Variants in PDE11A observed in about 807,000 individuals in gnomAD.
The protein encoded by PDE11A is phosphodiesterase 11A.
PDE11A carries 100 observed loss-of-function variants against 100.5 expected under a neutral mutation model. That is an observed-to-expected ratio of 1.00 (90% CI 0.85 to 1.18). The LOEUF (loss-of-function observed/expected upper bound fraction) is 1.18, where lower values mean the gene tolerates loss of function less well. Ranked by LOEUF, PDE11A falls within the 50% of genes most tolerant of loss-of-function variation. PDE11A has a pLI of 0.00. For synonymous variants in PDE11A, 381 were observed against 420.8 expected (o/e 0.91, Z 1.16); for missense variants, 1,141 against 1,152.6 (o/e 0.99, Z 0.15).
intron 5 of PDE11A, among the ~76,000 whole-genome samples, chr2:177,845,594 C>A (rs1365153438): frequency 6.6e-6 from 1 of 152,126 alleles, no homozygotes; most frequent in Non-Finnish European, 1.5e-5. Flanking sequence ...CGATGGGTGG[C>A]TGGGCAGAGA....
At chr2:178,107,721 C>CTTTTT (rs1159976078) in intron 1 of PDE11A, among the ~76,000 whole-genome samples, 1 of 123,050 alleles carries the variant, frequency 8.1e-6, no homozygotes, top group Non-Finnish European at 1.7e-5. Flanking sequence ...CTTTTTTTTT[C>CTTTTT]TTTTTTTTTT....
At chr2:177,852,549 T>C (rs1354294944) in intron 5 of PDE11A, among the ~76,000 whole-genome samples, 2 of 152,118 alleles carry the variant, frequency 1.3e-5, no homozygotes, top group Non-Finnish European at 2.9e-5. Context: ...AGCTGTGCAA[T>C]GCTTTTTGAA....
intron 2 of PDE11A, among the ~76,000 whole-genome samples, chr2:177,939,651 A>G (rs2105771567): frequency 6.6e-6 from 1 of 152,342 alleles, no homozygotes; most frequent in East Asian, 1.9e-4. Context: ...AGTTACAGAG[A>G]AAAATGTTAG....
At chr2:177,924,975 C>T (rs1039626369) in intron 2 of PDE11A, among the ~76,000 whole-genome samples, 4 of 147,164 alleles carry the variant, frequency 2.7e-5, no homozygotes, top group African/African-American at 5.0e-5. Flanking sequence ...TGAGAATATG[C>T]GGTGTTTGGT....
chr2:178,075,318 T>C (rs1197276574), upstream of PDE11A, among the ~76,000 whole-genome samples: 2 of 152,010 alleles, frequency 1.3e-5, no homozygotes. Context: ...TTTGGGAGGA[T>C]GAGGCAGGCA....
chr2:177,990,825 G>C (rs971431858), intron 2 of PDE11A, among the ~76,000 whole-genome samples: 2 of 149,990 alleles, frequency 1.3e-5, no homozygotes, highest in African/African-American at 4.9e-5. Context: ...GAGGTGGACA[G>C]ATCACAAGGT....
chr2:177,952,842 C>T (rs2085520882), intron 2 of PDE11A, among the ~76,000 whole-genome samples: 1 of 152,112 alleles, frequency 6.6e-6, no homozygotes, highest in East Asian at 1.9e-4. Context: ...TTTCTATTTC[C>T]CCTCTCATAT....
intron 19 of PDE11A, among the ~76,000 whole-genome samples, chr2:177,657,893 G>T (rs965272096): frequency 5.9e-5 from 9 of 152,240 alleles, no homozygotes; most frequent in African/African-American, 2.2e-4. Flanking sequence ...AAGTAGCTGG[G>T]AGTTCATGGG....
intron 2 of PDE11A, among the ~76,000 whole-genome samples, chr2:177,972,998 T>C (rs528941191): frequency 1.3e-5 from 2 of 152,174 alleles, no homozygotes; most frequent in Non-Finnish European, 2.9e-5. Flanking sequence ...GGGAGTTCTG[T>C]GGCACAGCAG....
chr2:177,747,939 A>G (rs1437583784), intron 10 of PDE11A, among the ~76,000 whole-genome samples: 1 of 152,104 alleles, frequency 6.6e-6, no homozygotes, highest in Non-Finnish European at 1.5e-5. Flanking sequence ...TGGCAGAGCC[A>G]GGATTAGAAT....
intron 2 of PDE11A, among the ~76,000 whole-genome samples, chr2:178,086,455 A>AATATTTAT (rs1415003916): frequency 6.6e-6 from 1 of 152,194 alleles, no homozygotes; most frequent in Non-Finnish European, 1.5e-5. Context: ...GAATAAACTA[A>AATATTTAT]TGAATGGTAA....
At position 177,728,014 on chromosome 2, in the gene PDE11A, C is replaced by G. The variant is rs1272229917; in HGVS notation, c.1935+12G>C. 1 of 1,611,658 alleles carries G rather than the reference C, an allele frequency of 6.2e-7. No individual in the cohort carries two copies. The highest frequency in any genetic ancestry group is 1.7e-5 in the Admixed American group (1 of 59,902). On this transcript the variant is annotated intron_variant, in intron 11 of 19. Coordinates refer to ENST00000286063, the MANE Select transcript of PDE11A (RefSeq NM_016953.4). ...GGTGAACTGCTTGGATCACCCAAGA[C>G]AGACATCTTACCTCATAGTCAATTT...
At chr2:177,909,199 A>G (rs2084838769) in intron 2 of PDE11A, among the ~76,000 whole-genome samples, 1 of 152,186 alleles carries the variant, frequency 6.6e-6, no homozygotes, top group South Asian at 2.1e-4. Context: ...AAAACAACAA[A>G]AACTCTGCCA....
Position 177,625,694 on chromosome 2 carries a change from A to T in PDE11A, c.*3713T>A, listed in dbSNP as rs990353900. 6.6e-5 allele frequency: 10 copies of T among 152,260 alleles called. No homozygotes were observed. Among genetic ancestry groups the T allele is most frequent in the Non-Finnish European group, 1.2e-4 (8 of 68,052 alleles). 9.4% of individuals were successfully genotyped at this position (152,260 alleles called of 1,614,324 possible). ...AATGTCTTTCTCCAATAGGAAATAAACATTAATAATAAGGACTGGGAAACT... is the reference window on the plus strand; with the variant it reads ...AATGTCTTTCTCCAATAGGAAATAATCATTAATAATAAGGACTGGGAAACT... On this transcript the variant is annotated 3_prime_UTR_variant, in exon 20 of 20. Transcript: ENST00000286063.
At chr2:177,869,101 T>C (rs1236572417) in intron 5 of PDE11A, among the ~76,000 whole-genome samples, 1 of 152,354 alleles carries the variant, frequency 6.6e-6, no homozygotes, top group East Asian at 1.9e-4. Context: ...TTGAGTTCAA[T>C]CTCATTTTCA....
intron 4 of PDE11A, among the ~76,000 whole-genome samples, chr2:177,886,791 A>G (rs1390434266): frequency 6.6e-6 from 1 of 152,230 alleles, no homozygotes; most frequent in Non-Finnish European, 1.5e-5. Context: ...TTCCAAAAAC[A>G]GAGCAAAGAC....
intron 3 of PDE11A, among the ~76,000 whole-genome samples, chr2:177,900,582 C>G (rs2084679981): frequency 6.6e-6 from 1 of 152,038 alleles, no homozygotes; most frequent in Non-Finnish European, 1.5e-5. Context: ...ATGGTGAAAC[C>G]CTGTCTCTAC....
In PDE11A at chr2:177,963,127, CT is replaced by C. The variant is rs1220644629; in HGVS notation, c.1071+51174del. On this transcript the variant is annotated intron_variant, in intron 2 of 19. Transcript: ENST00000286063. ...GGCTTTCTGTATCTATGTCCTTTAA[CT>C]ATTTCAAACAGAGAAAAATAAGAAA... is the stretch of plus-strand genomic sequence containing the variant. 2.6e-5 allele frequency among the ~76,000 whole-genome samples: 4 copies of C among 152,270 alleles called. No homozygotes were observed. The East Asian group carries it at 7.7e-4, about 29-fold the overall frequency.
At chr2:177,914,216 A>T (rs2084921114) in intron 2 of PDE11A, among the ~76,000 whole-genome samples, 1 of 152,138 alleles carries the variant, frequency 6.6e-6, no homozygotes, top group Non-Finnish European at 1.5e-5. Flanking sequence ...TTCATCTATT[A>T]CTTATTGCTC....
Sources: allele counts gnomAD v4.1 joint callset (sites outside exome capture counted in the v4.1 genomes callset), GRCh38; gene constraint gnomAD v4.1.1; transcripts MANE v1.5; gene names NCBI Gene and HGNC (gene_info 2026-07-23, HGNC 2026-07-21).